The following ABHD3 variants were observed in gnomAD, a reference collection of about 807,000 sequenced individuals.
ABHD3 encodes phospholipase ABHD3.
A neutral mutation model predicts 48.8 loss-of-function variants in ABHD3; 46 were observed. The ratio of observed to expected loss-of-function variants is 0.94; its 90% confidence interval spans 0.74 to 1.20. ABHD3 has a LOEUF of 1.20. Ranked by LOEUF, ABHD3 falls within the 50% of genes most tolerant of loss-of-function variation. The probability of loss-of-function intolerance (pLI) is 0.00; values close to 1 mark genes in which losing one functional copy is unlikely to be tolerated. For missense variants in ABHD3, 490 were observed against 497.8 expected, an observed-to-expected ratio of 0.98 and a Z score of 0.15; for synonymous variants, 192 against 183.7, an observed-to-expected ratio of 1.04 and a Z score of -0.36.
At chr18:21,691,809 T>C (rs750601329) in intron 3 of ABHD3, among the ~76,000 whole-genome samples, 4 of 152,150 alleles carry the variant, frequency 2.6e-5, no homozygotes, top group Non-Finnish European at 5.9e-5. Flanking sequence ...AATCATGGGA[T>C]TGGAAGAGCT....
At chr18:21,685,495 T>G (rs918325849) in intron 3 of ABHD3, among the ~76,000 whole-genome samples, 3 of 152,220 alleles carry the variant, frequency 2.0e-5, no homozygotes, top group African/African-American at 7.2e-5. Context: ...GAGAAAAAGC[T>G]AGAAATATTA....
intron 5 of ABHD3, 119 bp downstream of exon 5, chr18:21,663,999 A>G (rs1182900947): frequency 7.0e-7 from 1 of 1,437,490 alleles, no homozygotes; most frequent in Non-Finnish European, 9.1e-7. Flanking sequence ...AAAATATGAT[A>G]AACATAATCA....
chr18:21,664,901 T>C (rs909985451), intron 4 of ABHD3, among the ~76,000 whole-genome samples: 1 of 152,212 alleles, frequency 6.6e-6, no homozygotes, highest in African/African-American at 2.4e-5. Context: ...CCCCAACGTG[T>C]TGGGATTATA....
intron 8 of ABHD3, 139 bp downstream of exon 8, chr18:21,656,722 T>A: frequency 2.5e-6 from 2 of 805,530 alleles, no homozygotes; most frequent in Non-Finnish European, 3.8e-6. Flanking sequence ...ATTTGAGACA[T>A]TTAGATACTG....
chr18:21,656,231 G>A (rs1490995614), intron 8 of ABHD3, among the ~76,000 whole-genome samples: 1 of 152,106 alleles, frequency 6.6e-6, no homozygotes, highest in Non-Finnish European at 1.5e-5. Flanking sequence ...CTGGAGTGTA[G>A]TGGCATGATC....
At chr18:21,669,797 C>T (rs1460012441) in intron 4 of ABHD3, among the ~76,000 whole-genome samples, 1 of 152,126 alleles carries the variant, frequency 6.6e-6, no homozygotes, top group East Asian at 1.9e-4. Context: ...TGATAAACTG[C>T]CCAATCCTGT....
intron 5 of ABHD3, 170 bp downstream of exon 5, chr18:21,663,948 A>G: frequency 7.0e-7 from 1 of 1,429,776 alleles, no homozygotes; most frequent in Non-Finnish European, 9.1e-7. Context: ...ACCTGAATTA[A>G]TTCTTTCCTT....
At chr18:21,696,989 A>C (rs368850148) in intron 3 of ABHD3, among the ~76,000 whole-genome samples, 18 of 152,222 alleles carry the variant, frequency 1.2e-4, no homozygotes, top group African/African-American at 4.3e-4. Flanking sequence ...AACTATCCAA[A>C]AGAGTACATA....
At chr18:21,694,343 G>A (rs549909161) in intron 3 of ABHD3, among the ~76,000 whole-genome samples, 22 of 152,044 alleles carry the variant, frequency 1.4e-4, no homozygotes, top group Non-Finnish European at 2.6e-4. Flanking sequence ...GCGATCCGCC[G>A]GCCTTGGCCT....
chr18:21,703,962 G>A, intron 1 of ABHD3: 1 of 551,444 alleles, frequency 1.8e-6, no homozygotes, highest in East Asian at 2.9e-5. Context: ...AAGGGAGTTT[G>A]TTTGTTTTTA....
intron 8 of ABHD3, 81 bp from the exon 9 acceptor site, chr18:21,651,844 C>T: frequency 1.6e-6 from 2 of 1,275,288 alleles, no homozygotes; most frequent in Non-Finnish European, 1.1e-6. Flanking sequence ...TCAGGAAAAG[C>T]ATATACCTTT....
chr18:21,677,092 A>G (rs930840471), intron 4 of ABHD3, among the ~76,000 whole-genome samples: 3 of 152,120 alleles, frequency 2.0e-5, no homozygotes, highest in Non-Finnish European at 4.4e-5. Context: ...AGATTTGCCT[A>G]TTTTGAATAT....
At chr18:21,669,417 T>C (rs1416475076) in intron 4 of ABHD3, among the ~76,000 whole-genome samples, 2 of 152,252 alleles carry the variant, frequency 1.3e-5, no homozygotes, top group East Asian at 3.9e-4. Context: ...CAAATGCAGG[T>C]AGGTATTCAT....
At chr18:21,695,367 G>A (rs80192885) in intron 3 of ABHD3, among the ~76,000 whole-genome samples, 3,220 of 152,220 alleles carry the variant, frequency 0.021, 47 homozygotes, top group Non-Finnish European at 0.032. Context: ...AGCCAAGAGC[G>A]GGCCAATGTG....
intron 4 of ABHD3, among the ~76,000 whole-genome samples, chr18:21,674,429 G>A (rs1939139138): frequency 6.6e-6 from 1 of 151,706 alleles, no homozygotes; most frequent in African/African-American, 2.4e-5. Context: ...TAAATTTTTT[G>A]TAGAGACAAG....
chr18:21,651,643 A>ACACG lies in ABHD3; in HGVS notation c.1174_1177dup (p.Val393AlafsTer12). 1 of 1,614,110 alleles carries ACACG rather than the reference A, an allele frequency of 6.2e-7. No homozygotes were observed. Among genetic ancestry groups the ACACG allele is most frequent in the Middle Eastern group, 1.6e-4 (1 of 6,062 alleles). On this transcript the variant is annotated frameshift_variant, in exon 9 of 9. Coordinates refer to ENST00000289119, the MANE Select transcript of ABHD3 (RefSeq NM_138340.5). LOFTEE classifies it high-confidence loss of function. ...CATGGCTTGCACAAATTGCTTGAAG[A>ACACG]CACGATCCATGTAAGTGGACTGTCT...
At chr18:21,664,308 A>G in intron 4 of ABHD3, 78 bp from the exon 5 acceptor site, 1 of 1,342,968 alleles carries the variant, frequency 7.4e-7, no homozygotes, top group South Asian at 1.3e-5. Context: ...TGTAAACAGG[A>G]GCAAGGAGTC....
intron 3 of ABHD3, chr18:21,702,018 A>G (rs1405009761): frequency 1.4e-5 from 3 of 220,362 alleles, no homozygotes; most frequent in Non-Finnish European, 2.7e-5. Flanking sequence ...CACACTCTCC[A>G]TTGGGGTGGG....
At chr18:21,698,439 G>A (rs567668054) in intron 3 of ABHD3, among the ~76,000 whole-genome samples, 3 of 152,008 alleles carry the variant, frequency 2.0e-5, no homozygotes, top group South Asian at 2.1e-4. Context: ...TGCCCACGTC[G>A]GCCTCCCAGA....
Sources: gnomAD v4.1 joint callset for allele counts (sites outside exome capture counted in the v4.1 genomes callset) on GRCh38, gnomAD v4.1.1 for gene constraint, MANE v1.5 for transcripts, NCBI Gene and HGNC (gene_info 2026-07-23, HGNC 2026-07-21) for gene names.